The following AGTPBP1 variants were observed in gnomAD, a reference collection of about 807,000 sequenced individuals.
The protein encoded by AGTPBP1 is cytosolic carboxypeptidase 1.
AGTPBP1 carries 70 observed loss-of-function variants against 143.9 expected under a neutral mutation model. The ratio of observed to expected loss-of-function variants is 0.49; its 90% CI spans 0.40 to 0.59. The LOEUF is 0.59. Ranked by LOEUF, AGTPBP1 falls within the 20% of genes least tolerant of loss-of-function variation. The probability of loss-of-function intolerance (pLI) is 0.00; values close to 1 mark genes in which losing one functional copy is unlikely to be tolerated. For synonymous variants in AGTPBP1, 463 were observed against 500.2 expected, an observed-to-expected ratio of 0.93 and a Z score of 0.99; for missense variants, 1,229 against 1,464.5, an observed-to-expected ratio of 0.84 and a Z score of 2.62.
the AGTPBP1 span, chr9:85,774,044 C>G: frequency 6.5e-7 from 1 of 1,549,110 alleles, no homozygotes; most frequent in Non-Finnish European, 8.9e-7. Flanking sequence ...AAGGTAACTT[C>G]CCCTTTTGAC....
the AGTPBP1 span, among the ~76,000 whole-genome samples, chr9:85,778,368 G>GAAGATTTT: frequency 1.6e-4 from 23 of 145,308 alleles, no homozygotes; most frequent in African/African-American, 5.3e-4. Context: ...AGAAGATGGC[G>GAAGATTTT]GGGCCTTGCT....
the AGTPBP1 span, among the ~76,000 whole-genome samples, chr9:85,747,906 GTCA>G: frequency 6.6e-6 from 1 of 152,040 alleles, no homozygotes; most frequent in Non-Finnish European, 1.5e-5. Flanking sequence ...GCATGTATGT[GTCA>G]TCTTTTATCC....
chr9:85,725,789 T>A (rs960700399), intron 1 of AGTPBP1, among the ~76,000 whole-genome samples: 1 of 152,056 alleles, frequency 6.6e-6, no homozygotes, highest in East Asian at 1.9e-4. Flanking sequence ...CTCACACTTG[T>A]ATTCCTAGCA....
intron 2 of AGTPBP1, among the ~76,000 whole-genome samples, chr9:85,701,906 T>C (rs1022885107): frequency 1.1e-4 from 17 of 152,236 alleles, no homozygotes; most frequent in East Asian, 7.7e-4. Context: ...ATGCCTGTTT[T>C]TATCTCCTCT....
At chr9:85,740,611 G>C (rs1006388507) in intron 1 of AGTPBP1, among the ~76,000 whole-genome samples, 1 of 152,042 alleles carries the variant, frequency 6.6e-6, no homozygotes, top group Admixed American at 6.5e-5. Flanking sequence ...ATAACTTTCC[G>C]GTTTTCTCAG....
At chr9:85,797,672 A>C in the AGTPBP1 span, among the ~76,000 whole-genome samples, 1 of 152,082 alleles carries the variant, frequency 6.6e-6, no homozygotes, top group Non-Finnish European at 1.5e-5. Context: ...CTGGAAGAAG[A>C]ATTGTCTTGG....
chr9:85,604,360 G>T (rs1462345850), intron 17 of AGTPBP1, among the ~76,000 whole-genome samples: 3 of 152,206 alleles, frequency 2.0e-5, no homozygotes, highest in African/African-American at 7.2e-5. Context: ...CTCACCGAAG[G>T]CCACAAAGGT....
chr9:85,799,547 C>T, the AGTPBP1 span, among the ~76,000 whole-genome samples: 2 of 152,130 alleles, frequency 1.3e-5, no homozygotes, highest in African/African-American at 4.8e-5. Context: ...GAGAGGGTCT[C>T]ACTCTGTTAA....
the AGTPBP1 span, chr9:85,756,137 G>C: frequency 6.2e-7 from 1 of 1,612,238 alleles, no homozygotes; most frequent in Non-Finnish European, 8.5e-7. Flanking sequence ...CCAATGCCAA[G>C]AATTAGAGGA....
At chr9:85,774,056 G>A in the AGTPBP1 span, 1 of 1,488,036 alleles carries the variant, frequency 6.7e-7, no homozygotes, top group Non-Finnish European at 9.4e-7. Context: ...CCTTTTGACA[G>A]TTATGTAAAG....
Position 85,677,469 on chromosome 9 carries a change from T to G in AGTPBP1, c.403A>C (p.Ile135Leu). 10 of 1,607,170 alleles carry G rather than the reference T, an allele frequency of 6.2e-6. No individual in the cohort carries two copies. The highest frequency in any genetic ancestry group is 8.5e-6 in the Non-Finnish European group (10 of 1,177,060). Residue 135 changes from isoleucine to leucine, a missense_variant, in exon 6 of 26, where the codon ATT becomes CTT. Physicochemically the swap from Ile to Leu is conservative, Grantham distance 5. Transcript: ENST00000357081. ...CCAATCTTTGCAAGAATAGAATGAATCTGTACCATTAAGTCCTCATGTGGG... is the reference window on the plus strand; with the variant it reads ...CCAATCTTTGCAAGAATAGAATGAAGCTGTACCATTAAGTCCTCATGTGGG... The part of the protein sequence containing the change: ...SPPHEDLMVQ[I>L]HSILAKIGPK...
intron 6 of AGTPBP1, among the ~76,000 whole-genome samples, chr9:85,674,669 A>C (rs1436184130): frequency 6.6e-6 from 1 of 152,170 alleles, no homozygotes; most frequent in African/African-American, 2.4e-5. Flanking sequence ...TTTAAGTCTT[A>C]AGGCTCCTAA....
chr9:85,701,552 AG>A (rs1836662660), intron 2 of AGTPBP1, among the ~76,000 whole-genome samples: 2 of 152,244 alleles, frequency 1.3e-5, no homozygotes, highest in Non-Finnish European at 2.9e-5. Flanking sequence ...GAACCAAAGT[AG>A]ATGTTTATAA....
At chr9:85,644,619 T>G (rs1479774351) in intron 12 of AGTPBP1, among the ~76,000 whole-genome samples, 3 of 152,002 alleles carry the variant, frequency 2.0e-5, no homozygotes, top group African/African-American at 7.2e-5. Flanking sequence ...GTTCTGCTAG[T>G]TAAGGAAGGA....
intron 25 of AGTPBP1, among the ~76,000 whole-genome samples, chr9:85,553,589 CAGCTGTATCACTT>C (rs1390791773): frequency 6.6e-6 from 1 of 152,164 alleles, no homozygotes; most frequent in African/African-American, 2.4e-5. Flanking sequence ...AGTCAAGGAG[CAGCTGTATCACTT>C]AGCTGTATCA....
chr9:85,788,126 A>T, the AGTPBP1 span: 1 of 152,162 alleles, frequency 6.6e-6, no homozygotes, highest in African/African-American at 2.4e-5. Flanking sequence ...ATTTAAATTA[A>T]ATAGACTTCT....
At chr9:85,702,696 G>A (rs1836747156) in intron 2 of AGTPBP1, among the ~76,000 whole-genome samples, 1 of 147,204 alleles carries the variant, frequency 6.8e-6, no homozygotes, top group Non-Finnish European at 1.5e-5. Flanking sequence ...ATTACTCATT[G>A]AATGAGCTGA....
In AGTPBP1 at chr9:85,656,122, T is replaced by C. The variant is rs180934067; in HGVS notation, c.910-802A>G. Among the ~76,000 whole-genome samples the C allele has an allele frequency of 8.5e-4, 130 of 152,318 alleles. 3 individuals carry two copies. In the East Asian group the frequency reaches 0.023, roughly 27 times the overall value. Reference sequence around the variant, plus strand: ...GATTACAGGCATGAGCCACTGCGCCTGGCCCACAATATAAAGTTTTAAGAG... The same window carrying C: ...GATTACAGGCATGAGCCACTGCGCCCGGCCCACAATATAAAGTTTTAAGAG... On this transcript the variant is annotated intron_variant, in intron 10 of 25. Transcript: ENST00000357081.
At chr9:85,710,696 C>A (rs1320189394) in intron 2 of AGTPBP1, among the ~76,000 whole-genome samples, 21 of 146,798 alleles carry the variant, frequency 1.4e-4, no homozygotes, top group African/African-American at 4.9e-4. Flanking sequence ...ACAACAACAA[C>A]AACAAAAAAA....
Sources: gnomAD v4.1 joint callset for allele counts (sites outside exome capture counted in the v4.1 genomes callset) on GRCh38, gnomAD v4.1.1 for gene constraint, MANE v1.5 for transcripts, NCBI Gene and HGNC (gene_info 2026-07-23, HGNC 2026-07-21) for gene names.